RGS3: variants seen among roughly 807,000 people sequenced by gnomAD.
The protein encoded by RGS3 is regulator of G protein signaling 3, also known as regulator of G-protein signalling 3.
In RGS3, 80 loss-of-function variants were observed where a neutral mutation model predicts 132.6. The ratio of observed to expected loss-of-function variants is 0.60; its 90% CI spans 0.50 to 0.73. RGS3 has a LOEUF of 0.73. RGS3 is among the 30% of genes least tolerant of loss of function. RGS3 has a pLI of 0.00. For synonymous variants in RGS3, 598 were observed against 620.6 expected (o/e 0.96, Z 0.54); for missense variants, 1,382 against 1,530.8 (o/e 0.90, Z 1.62).
chr9:113,445,554 C>A (rs879356339), intron 1 of RGS3, among the ~76,000 whole-genome samples: 4 of 152,276 alleles, frequency 2.6e-5, no homozygotes, highest in South Asian at 2.1e-4. Context: ...CAGTTTGACA[C>A]CTGTGTAGAA....
intron 19 of RGS3, among the ~76,000 whole-genome samples, chr9:113,572,868 T>C (rs1047332125): frequency 6.6e-6 from 1 of 151,990 alleles, no homozygotes; most frequent in Non-Finnish European, 1.5e-5. Context: ...CTTCCAAGTT[T>C]CCCCCCCTGA....
intron 19 of RGS3, chr9:113,564,926 G>T (rs1300827367): frequency 2.0e-6 from 2 of 995,156 alleles, no homozygotes; most frequent in East Asian, 1.1e-4. Flanking sequence ...TGACAGGGAA[G>T]CCTCGGTGCC....
Position 113,462,161 on chromosome 9 carries a change from A to G in RGS3, c.375A>G (p.Pro125=), listed in dbSNP as rs551206693. 20 of 1,614,132 alleles carry G rather than the reference A, an allele frequency of 1.2e-5. 1 individual carries two copies. The South Asian group carries it at 2.1e-4, about 17-fold the overall frequency. ...GAGATGAGTGGACTCAAACTTCTCC[A>G]GCCAGGAAGAGGATCACGCATGCCA... The change falls in exon 3 of 25, where the codon CCA becomes CCG. Residue 125 remains proline (P), a synonymous_variant. Coordinates refer to ENST00000350696, the Ensembl canonical transcript of RGS3.
chr9:113,569,580 T>G (rs1204468832), intron 19 of RGS3, among the ~76,000 whole-genome samples: 1 of 75,906 alleles, frequency 1.3e-5, no homozygotes, highest in East Asian at 3.7e-4. Context: ...TTTCCTTCTT[T>G]CCTTCCTTCC....
chr9:113,460,927 T>C (rs1419737091), intron 1 of RGS3, among the ~76,000 whole-genome samples: 2 of 152,172 alleles, frequency 1.3e-5, no homozygotes, highest in Admixed American at 1.3e-4. Context: ...GCTCGATACT[T>C]TATTAAGTGC....
chr9:113,509,607 C>G (rs956459017), intron 14 of RGS3, among the ~76,000 whole-genome samples: 1 of 152,176 alleles, frequency 6.6e-6, no homozygotes, highest in African/African-American at 2.4e-5. Context: ...CCTTGAGATC[C>G]TTCGCGTGCC....
At chr9:113,513,583 G>T (rs1831503032) in intron 14 of RGS3, among the ~76,000 whole-genome samples, 1 of 151,982 alleles carries the variant, frequency 6.6e-6, no homozygotes, top group African/African-American at 2.4e-5. Flanking sequence ...GACTCTAAGT[G>T]AACTTAGAGT....
chr9:113,582,619 G>A (rs2118970581), intron 19 of RGS3: 1 of 152,332 alleles, frequency 6.6e-6, no homozygotes, highest in Admixed American at 6.5e-5. Context: ...ATCTTCTGGT[G>A]ACATAGCTGC....
At position 113,541,452 on chromosome 9, in the gene RGS3, T is replaced by G. The variant is rs777235934; in HGVS notation, c.2037+4534T>G. On this transcript the variant is annotated intron_variant, in intron 19 of 24. Transcript: ENST00000350696. ...AGCAAACCCAAGGGCGGGACTCTGC[T>G]TCTGGCAACTTAACCCTTTCTTGGG... 18 of 1,609,936 alleles carry G rather than the reference T, an allele frequency of 1.1e-5. No homozygotes were observed. The East Asian group carries it at 2.0e-4, about 18-fold the overall frequency.
chr9:113,495,426 C>T (rs1343882302), intron 7 of RGS3, among the ~76,000 whole-genome samples: 1 of 152,182 alleles, frequency 6.6e-6, no homozygotes, highest in Non-Finnish European at 1.5e-5. Flanking sequence ...CTGAGCATCA[C>T]CAATGATGTG....
upstream of RGS3, among the ~76,000 whole-genome samples, chr9:113,456,136 C>T (rs1237979151): frequency 3.3e-5 from 5 of 152,130 alleles, no homozygotes; most frequent in African/African-American, 4.8e-5. Flanking sequence ...CCTTTCAGGC[C>T]TTTCTTCCTC....
At chr9:113,517,202 G>A in intron 15 of RGS3, 1 of 500,468 alleles carries the variant, frequency 2.0e-6, no homozygotes, top group Admixed American at 2.3e-5. Context: ...CGGGGGCTGG[G>A]AGGGCCCAGG....
chr9:113,550,999 A>G (rs971512878), intron 19 of RGS3, among the ~76,000 whole-genome samples: 6 of 152,224 alleles, frequency 3.9e-5, no homozygotes, highest in Non-Finnish European at 7.3e-5. Flanking sequence ...CAATTCACCC[A>G]TTTAAAGTAC....
intron 21 of RGS3, 128 bp from the exon 20 acceptor site, chr9:113,594,302 G>T (rs143372017): frequency 1.3e-6 from 2 of 1,595,060 alleles, no homozygotes; most frequent in Non-Finnish European, 1.7e-6. Context: ...TACCTCACTC[G>T]CAACGGGAAC....
chr9:113,491,932 CT>C (rs2119259387), intron 7 of RGS3, among the ~76,000 whole-genome samples: 1 of 152,216 alleles, frequency 6.6e-6, no homozygotes, highest in East Asian at 1.9e-4. Context: ...GTCCCAGGCA[CT>C]GTAAGTGTAT....
At chr9:113,584,174 C>T (rs190737375) in exon 20 of RGS3, 87 of 1,614,238 alleles carry the variant, frequency 5.4e-5, no homozygotes, top group South Asian at 2.9e-4. Context: ...ATGATCGAGA[C>T]GGGCCAGGGG....
At chr9:113,523,790 G>T (rs1274414051) in intron 17 of RGS3, among the ~76,000 whole-genome samples, 11 of 152,160 alleles carry the variant, frequency 7.2e-5, no homozygotes, top group Non-Finnish European at 1.2e-4. Context: ...GGGTGACAGG[G>T]GCAGAGAGGA....
intron 19 of RGS3, among the ~76,000 whole-genome samples, chr9:113,558,561 G>A (rs1833663978): frequency 6.6e-6 from 1 of 152,104 alleles, no homozygotes; most frequent in Non-Finnish European, 1.5e-5. Context: ...TGAGCTGGGA[G>A]CAGTGGAGGG....
intron 1 of RGS3, among the ~76,000 whole-genome samples, chr9:113,453,067 A>G (rs1829290358): frequency 7.4e-6 from 1 of 135,106 alleles, no homozygotes; most frequent in Non-Finnish European, 1.5e-5. Context: ...AGTATACATT[A>G]TATATATTTA....
Sources: gnomAD v4.1 joint callset for allele counts (sites outside exome capture counted in the v4.1 genomes callset) on GRCh38, gnomAD v4.1.1 for gene constraint, MANE v1.5 for transcripts, NCBI Gene and HGNC (gene_info 2026-07-23, HGNC 2026-07-21) for gene names.